Variants in PDZD8 observed in about 807,000 individuals in gnomAD.
The protein encoded by PDZD8 is PDZ domain containing 8.
A neutral mutation model predicts 85.8 loss-of-function variants in PDZD8; 14 were observed. That is an observed-to-expected ratio of 0.16 (90% CI 0.11 to 0.26). The LOEUF (loss-of-function observed/expected upper bound fraction) is 0.26, where lower values mean the gene tolerates loss of function less well. Among genes scored for constraint, PDZD8 ranks in the 10% least tolerant of loss-of-function variants. The probability of loss-of-function intolerance (pLI) is 1.00; values close to 1 mark genes in which losing one functional copy is unlikely to be tolerated. For synonymous variants in PDZD8, 592 were observed against 568.6 expected (o/e 1.04, Z -0.59); for missense variants, 1,197 against 1,424.3 (o/e 0.84, Z 2.57).
In PDZD8 at chr10:117,290,401, G is replaced by A. The variant is rs1025698064; in HGVS notation, c.1099-53C>T. The A allele has an allele frequency of 9.1e-6, 13 of 1,428,758 alleles. No individual in the cohort carries two copies. In the African/African-American group the frequency reaches 1.0e-4, roughly 11 times the overall value. The allele number at this position is 1,428,758 out of a possible 1,614,324, so 88.5% of individuals were successfully genotyped here. On this transcript the variant is annotated intron_variant, in intron 3 of 4. Transcript: ENST00000334464. ...CTGATTCAATGGATTCCTAGTAATA[G>A]AGGAAAAAAACAGTAACAGACTGTT...
intron 2 of PDZD8, among the ~76,000 whole-genome samples, chr10:117,325,901 T>G (rs1844308300): frequency 6.6e-6 from 1 of 152,118 alleles, no homozygotes; most frequent in South Asian, 2.1e-4. Context: ...TGGGACCAGG[T>G]GAAGGTAATT....
chr10:117,316,127 C>T (rs993720645), intron 3 of PDZD8, among the ~76,000 whole-genome samples: 11 of 152,112 alleles, frequency 7.2e-5, no homozygotes, highest in African/African-American at 2.7e-4. Flanking sequence ...GCTATCTTGG[C>T]TTATAGGATT....
intron 1 of PDZD8, among the ~76,000 whole-genome samples, chr10:117,367,467 C>T (rs988388213): frequency 6.6e-6 from 1 of 152,066 alleles, no homozygotes; most frequent in Non-Finnish European, 1.5e-5. Flanking sequence ...GACTATTCTC[C>T]CCTCAATGAA....
At chr10:117,364,474 C>G (rs1261236897) in intron 1 of PDZD8, among the ~76,000 whole-genome samples, 3 of 140,732 alleles carry the variant, frequency 2.1e-5, no homozygotes, top group Non-Finnish European at 4.5e-5. Flanking sequence ...CAGACAGACA[C>G]ACACGCACAC....
At chr10:117,319,408 C>A (rs1378626419) in intron 2 of PDZD8, among the ~76,000 whole-genome samples, 1 of 73,562 alleles carries the variant, frequency 1.4e-5, no homozygotes, top group Non-Finnish European at 3.9e-5. Context: ...CACACACACA[C>A]ACACACACAC....
At chr10:117,309,568 A>C (rs1589556716) in intron 3 of PDZD8, among the ~76,000 whole-genome samples, 1 of 150,860 alleles carries the variant, frequency 6.6e-6, no homozygotes, top group Non-Finnish European at 1.5e-5. Context: ...CACTCCAAAA[A>C]CCCTCCATTC....
At chr10:117,288,133 A>G (rs1467383647) in intron 4 of PDZD8, among the ~76,000 whole-genome samples, 1 of 152,180 alleles carries the variant, frequency 6.6e-6, no homozygotes, top group Admixed American at 6.5e-5. Context: ...ACACACTCAA[A>G]AGCTGAGGAA....
intron 4 of PDZD8, among the ~76,000 whole-genome samples, chr10:117,288,944 AC>A (rs924863824): frequency 3.3e-5 from 5 of 152,100 alleles, no homozygotes; most frequent in Non-Finnish European, 7.4e-5. Context: ...TTGAAACACA[AC>A]CCCCAAAAAA....
chr10:117,306,892 A>G (rs761583361), intron 3 of PDZD8, among the ~76,000 whole-genome samples: 1 of 152,148 alleles, frequency 6.6e-6, no homozygotes, highest in Non-Finnish European at 1.5e-5. Context: ...TTAAGCATGT[A>G]TTACCTAACA....
At chr10:117,339,631 T>C (rs575246239) in intron 2 of PDZD8, among the ~76,000 whole-genome samples, 3 of 152,362 alleles carry the variant, frequency 2.0e-5, no homozygotes, top group African/African-American at 2.4e-5. Flanking sequence ...ACAAAATTCA[T>C]ATACAAAGTT....
At chr10:117,304,308 C>A (rs1843895456) in intron 3 of PDZD8, among the ~76,000 whole-genome samples, 1 of 152,068 alleles carries the variant, frequency 6.6e-6, no homozygotes, top group African/African-American at 2.4e-5. Flanking sequence ...TTTGTTTTGG[C>A]CAATTTCTCT....
chr10:117,329,183 G>C (rs1258738477), intron 2 of PDZD8, among the ~76,000 whole-genome samples: 3 of 151,938 alleles, frequency 2.0e-5, no homozygotes, highest in African/African-American at 7.3e-5. Flanking sequence ...AAACAAACAT[G>C]TGTTAAATAT....
intron 4 of PDZD8, among the ~76,000 whole-genome samples, chr10:117,288,570 A>G (rs1844706473): frequency 6.6e-6 from 1 of 152,038 alleles, no homozygotes; most frequent in South Asian, 2.1e-4. Context: ...GTGCAATGGT[A>G]TGATCTCAGC....
intron 1 of PDZD8, among the ~76,000 whole-genome samples, chr10:117,346,172 C>T (rs1006496896): frequency 1.5e-5 from 2 of 136,762 alleles, no homozygotes; most frequent in Non-Finnish European, 3.0e-5. Context: ...ACCTGGGAGG[C>T]GGAGGTTGCA....
At chr10:117,340,500 T>C (rs543338980) in intron 2 of PDZD8, among the ~76,000 whole-genome samples, 25 of 152,312 alleles carry the variant, frequency 1.6e-4, no homozygotes, top group African/African-American at 6.0e-4. Flanking sequence ...CATCCACTGA[T>C]CCCACATTGC....
At chr10:117,368,746 C>T (rs1845132400) in intron 1 of PDZD8, among the ~76,000 whole-genome samples, 1 of 151,240 alleles carries the variant, frequency 6.6e-6, no homozygotes, top group Admixed American at 6.6e-5. Context: ...AAAGGAGACA[C>T]TATCTACTTA....
At chr10:117,368,878 G>A (rs555589098) in intron 1 of PDZD8, among the ~76,000 whole-genome samples, 3 of 97,782 alleles carry the variant, frequency 3.1e-5, no homozygotes, top group Admixed American at 1.3e-4. Flanking sequence ...TTTTTTTTGA[G>A]ACAGTCTCAC....
At chr10:117,372,886 C>T (rs1052205043) in intron 1 of PDZD8, among the ~76,000 whole-genome samples, 2 of 152,116 alleles carry the variant, frequency 1.3e-5, no homozygotes, top group Non-Finnish European at 2.9e-5. Context: ...CCATTCCAAA[C>T]CCAAAATATT....
At chr10:117,296,067 T>C (rs1261978366) in intron 3 of PDZD8, among the ~76,000 whole-genome samples, 5 of 151,866 alleles carry the variant, frequency 3.3e-5, no homozygotes, top group East Asian at 1.9e-4. Flanking sequence ...ATCCTATACA[T>C]AGAAAATTCC....
Sources: gnomAD v4.1 joint callset for allele counts (sites outside exome capture counted in the v4.1 genomes callset) on GRCh38, gnomAD v4.1.1 for gene constraint, MANE v1.5 for transcripts, NCBI Gene and HGNC (gene_info 2026-07-23, HGNC 2026-07-21) for gene names.